FSTL5: variants seen among roughly 807,000 people sequenced by gnomAD.
FSTL5 encodes follistatin-related protein 5.
FSTL5 carries 62 observed loss-of-function variants against 89.1 expected under a neutral mutation model. The ratio of observed to expected loss-of-function variants is 0.70; its 90% CI spans 0.57 to 0.86. The LOEUF (loss-of-function observed/expected upper bound fraction) is 0.86. Among genes scored for constraint, FSTL5 ranks in the 40% least tolerant of loss-of-function variants. The probability of loss-of-function intolerance (pLI) is 0.00; values close to 1 mark genes in which losing one functional copy is unlikely to be tolerated. For synonymous variants in FSTL5, 383 were observed against 346.2 expected (o/e 1.11, Z -1.18); for missense variants, 1,057 against 1,001.6 (o/e 1.06, Z -0.75).
intron 11 of FSTL5, among the ~76,000 whole-genome samples, chr4:161,500,537 G>C (rs1200833080): frequency 6.6e-6 from 1 of 152,044 alleles, no homozygotes. Flanking sequence ...ACTAGGAAAA[G>C]TTTAATTTCT....
At position 161,413,270 on chromosome 4, in the gene FSTL5, AAAAAAAAAAAAAAT is replaced by A. The variant is rs1333342870; in HGVS notation, c.1842-26835_1842-26822del. Among the ~76,000 whole-genome samples, 73 of 139,246 alleles carry A rather than the reference AAAAAAAAAAAAAAT, an allele frequency of 5.2e-4. 4 individuals are homozygous for A. Among genetic ancestry groups the A allele is most frequent in the East Asian group, 3.4e-3 (16 of 4,736 alleles). 91.4% of individuals were successfully genotyped at this position (139,246 alleles called of 152,430 possible). On this transcript the variant is annotated intron_variant, in intron 15 of 15. Coordinates refer to ENST00000306100, the MANE Select transcript of FSTL5 (RefSeq NM_020116.5). Reference sequence around the variant, plus strand: ...GACACTTCTCAAAAAAAAAAAAAAAAAAAAAAAAAAAAATAAAGACACACAAGTGGCCAAGAAGC... The same window carrying A: ...GACACTTCTCAAAAAAAAAAAAAAAAAAAGACACACAAGTGGCCAAGAAGC...
chr4:162,046,651 A>T (rs1490452956), intron 2 of FSTL5, among the ~76,000 whole-genome samples: 3 of 152,134 alleles, frequency 2.0e-5, no homozygotes, highest in Non-Finnish European at 4.4e-5. Context: ...TTATTATAAC[A>T]GTATTTTCAG....
Position 162,106,276 on chromosome 4 carries a change from G to A in FSTL5, c.126+4995C>T, listed in dbSNP as rs1319149737. Among the ~76,000 whole-genome samples the A allele has an allele frequency of 2.0e-5, 3 of 152,256 alleles. No homozygotes were observed. In the East Asian group the frequency reaches 5.8e-4, roughly 29 times the overall value. On this transcript the variant is annotated intron_variant, in intron 2 of 15. Coordinates refer to ENST00000306100, the MANE Select transcript of FSTL5 (RefSeq NM_020116.5). ...ACAAAGTTGGACATAGTAGTATCTGGTTAAATAGAGATAAAAGCATTTTAA... is the reference window on the plus strand; with the variant it reads ...ACAAAGTTGGACATAGTAGTATCTGATTAAATAGAGATAAAAGCATTTTAA...
intron 3 of FSTL5, among the ~76,000 whole-genome samples, chr4:161,928,585 T>A (rs979776317): frequency 1.3e-5 from 2 of 151,812 alleles, no homozygotes; most frequent in African/African-American, 4.8e-5. Context: ...GTAGTTAGTG[T>A]CTGCAATGTT....
chr4:161,455,577 A>C (rs752409268), intron 14 of FSTL5, among the ~76,000 whole-genome samples: 27 of 152,186 alleles, frequency 1.8e-4, no homozygotes, highest in Non-Finnish European at 3.1e-4. Context: ...CTTGGAATAC[A>C]TAAAACCATA....
chr4:162,088,902 C>T (rs1053941947), intron 2 of FSTL5, among the ~76,000 whole-genome samples: 2 of 152,062 alleles, frequency 1.3e-5, no homozygotes, highest in Non-Finnish European at 2.9e-5. Context: ...TTCCCAAGTG[C>T]TATGGTCTGA....
intron 1 of FSTL5, among the ~76,000 whole-genome samples, chr4:162,160,587 AAATATGAAGAACT>A (rs1260177339): frequency 2.6e-5 from 4 of 151,790 alleles, no homozygotes; most frequent in Admixed American, 2.0e-4. Flanking sequence ...AATTTTGGGC[AAATATGAAGAACT>A]AATAGAAAGA....
At chr4:161,700,297 C>G (rs1473922140) in intron 6 of FSTL5, among the ~76,000 whole-genome samples, 2 of 152,064 alleles carry the variant, frequency 1.3e-5, no homozygotes, top group African/African-American at 4.8e-5. Flanking sequence ...AGCCATAATT[C>G]AATTCCAGGT....
intron 15 of FSTL5, among the ~76,000 whole-genome samples, chr4:161,407,562 G>T (rs898013709): frequency 3.3e-5 from 5 of 152,168 alleles, no homozygotes; most frequent in African/African-American, 1.2e-4. Context: ...CCTAGCTGCA[G>T]GGACCCCATA....
chr4:161,865,329 T>C (rs1732050141), intron 4 of FSTL5, among the ~76,000 whole-genome samples: 1 of 152,182 alleles, frequency 6.6e-6, no homozygotes, highest in South Asian at 2.1e-4. Flanking sequence ...CCTTATGCAG[T>C]TTAAAATTAA....
chr4:162,136,517 G>T (rs949624008), intron 1 of FSTL5, among the ~76,000 whole-genome samples: 1 of 151,886 alleles, frequency 6.6e-6, no homozygotes, highest in African/African-American at 2.4e-5. Context: ...ATGGGGACTT[G>T]GTTGGAGAAT....
intron 13 of FSTL5, among the ~76,000 whole-genome samples, chr4:161,475,875 G>A (rs1023961357): frequency 7.3e-5 from 11 of 151,312 alleles, no homozygotes; most frequent in Non-Finnish European, 1.2e-4. Flanking sequence ...TCAGCCTCCC[G>A]AGTAGATGAG....
At chr4:161,584,840 G>C (rs1733550943) in intron 8 of FSTL5, among the ~76,000 whole-genome samples, 1 of 152,072 alleles carries the variant, frequency 6.6e-6, no homozygotes, top group South Asian at 2.1e-4. Flanking sequence ...TTTATACCAA[G>C]ATAGTCAGAG....
At chr4:161,620,702 T>C (rs952586621) in intron 7 of FSTL5, among the ~76,000 whole-genome samples, 1 of 152,060 alleles carries the variant, frequency 6.6e-6, no homozygotes, top group African/African-American at 2.4e-5. Flanking sequence ...AACAGAGTTC[T>C]TCAGGATGAA....
intron 2 of FSTL5, among the ~76,000 whole-genome samples, chr4:162,070,618 C>T (rs922159230): frequency 1.3e-5 from 2 of 151,738 alleles, no homozygotes; most frequent in African/African-American, 4.8e-5. Context: ...GTTATTTCTC[C>T]AATGTATATT....
intron 13 of FSTL5, among the ~76,000 whole-genome samples, chr4:161,460,626 C>T (rs1457060438): frequency 6.6e-6 from 1 of 152,164 alleles, no homozygotes; most frequent in African/African-American, 2.4e-5. Flanking sequence ...TAACAAGTCT[C>T]ACTAAGGCAT....
intron 6 of FSTL5, among the ~76,000 whole-genome samples, chr4:161,705,151 T>G (rs955284479): frequency 1.3e-5 from 2 of 152,062 alleles, no homozygotes; most frequent in Non-Finnish European, 2.9e-5. Flanking sequence ...AATACAAGAA[T>G]AACATCTTAT....
chr4:161,631,560 T>A (rs1482278577), intron 7 of FSTL5, among the ~76,000 whole-genome samples: 2 of 152,212 alleles, frequency 1.3e-5, no homozygotes, highest in African/African-American at 4.8e-5. Context: ...GAGGTTGCAG[T>A]GAGCCTAGAT....
At chr4:161,924,389 A>T (rs1734070059) in intron 3 of FSTL5, among the ~76,000 whole-genome samples, 1 of 150,864 alleles carries the variant, frequency 6.6e-6, no homozygotes, top group South Asian at 2.1e-4. Context: ...TCTTGTCTAT[A>T]TGTATATCTA....
Sources: allele counts gnomAD v4.1 joint callset (sites outside exome capture counted in the v4.1 genomes callset), GRCh38; gene constraint gnomAD v4.1.1; transcripts MANE v1.5; gene names NCBI Gene and HGNC (gene_info 2026-07-23, HGNC 2026-07-21).